The following TMEM132B variants were observed in gnomAD, a reference collection of about 807,000 sequenced individuals.
The protein encoded by TMEM132B is transmembrane protein 132B.
In TMEM132B, 18 loss-of-function variants were observed where a neutral mutation model predicts 90.8. The observed-to-expected ratio is 0.20, with a 90% confidence interval of 0.14 to 0.29. The LOEUF is 0.29. Ranked by LOEUF, TMEM132B falls within the 10% of genes least tolerant of loss-of-function variation. TMEM132B has a pLI of 1.00. For synonymous variants in TMEM132B, 504 were observed against 523.3 expected (o/e 0.96, Z 0.50); for missense variants, 1,096 against 1,326.8 (o/e 0.83, Z 2.70).
intron 1 of TMEM132B, among the ~76,000 whole-genome samples, chr12:125,216,170 G>T (rs1296445779): frequency 6.6e-6 from 1 of 152,146 alleles, no homozygotes; most frequent in Non-Finnish European, 1.5e-5. Context: ...TTACAGTTCT[G>T]GAGGCTGGAA....
rs1882388429 is a variant in TMEM132B at position 125,492,749 on chromosome 12, T to G, written c.1107-26690T>G. Among the ~76,000 whole-genome samples the G allele has an allele frequency of 6.6e-6, 1 of 152,104 alleles. No homozygotes were observed. The highest frequency in any genetic ancestry group is 1.5e-5 in the Non-Finnish European group (1 of 67,992). On this transcript the variant is annotated intron_variant, in intron 3 of 8. Transcript: ENST00000682704. This position sits in a 1 kb window ranked among gnomAD's most constrained non-coding sequence, Gnocchi z 5.8. Reference sequence around the variant, plus strand: ...CTGTCCTGTGAAGAAACCTGCATGTTGTCCACTCAGCCACTCAGCCACGCC... The same window carrying G: ...CTGTCCTGTGAAGAAACCTGCATGTGGTCCACTCAGCCACTCAGCCACGCC...
At chr12:125,616,647 T>C (rs550598365) in intron 5 of TMEM132B, among the ~76,000 whole-genome samples, 2 of 152,292 alleles carry the variant, frequency 1.3e-5, no homozygotes, top group Non-Finnish European at 2.9e-5. Flanking sequence ...CGTCTAAAAA[T>C]ATATCGAAAT....
chr12:125,486,586 T>C (rs1337834787), intron 3 of TMEM132B, among the ~76,000 whole-genome samples: 1 of 152,212 alleles, frequency 6.6e-6, no homozygotes, highest in Non-Finnish European at 1.5e-5. Context: ...TTTGAGAATT[T>C]ATATTGAAGG....
In TMEM132B at chr12:125,277,550, C is replaced by T. The variant is rs1175866402; in HGVS notation, c.68-71902C>T. ...ACACATACACACACACACGGGAAGG[C>T]CATGTGAAGATGCAGCAGAGATTGG... On this transcript the variant is annotated intron_variant, in intron 1 of 8. Coordinates refer to ENST00000682704, the MANE Select transcript of TMEM132B (RefSeq NM_001366854.1). This position sits in a 1 kb window ranked among gnomAD's most constrained non-coding sequence, Gnocchi z 4.3. Among the ~76,000 whole-genome samples, 1 of 150,150 alleles carries T rather than the reference C, an allele frequency of 6.7e-6. No individual in the cohort carries two copies. Among genetic ancestry groups the T allele is most frequent in the African/African-American group, 2.5e-5 (1 of 40,342 alleles).
chr12:125,572,325 C>T (rs770248276), intron 4 of TMEM132B, among the ~76,000 whole-genome samples: 1 of 152,206 alleles, frequency 6.6e-6, no homozygotes, highest in Non-Finnish European at 1.5e-5. Flanking sequence ...GTCATTAGGG[C>T]TCTGCCCTCA....
chr12:125,595,782 C>A (rs553628383), intron 5 of TMEM132B, among the ~76,000 whole-genome samples: 1 of 152,028 alleles, frequency 6.6e-6, no homozygotes, highest in Admixed American at 6.5e-5. Flanking sequence ...AAGAGTCCAG[C>A]AGGTTCTAGA....
chr12:125,454,392 T>TTG (rs749400783), intron 3 of TMEM132B, among the ~76,000 whole-genome samples: 3,333 of 112,040 alleles, frequency 0.03, 60 homozygotes, highest in Middle Eastern at 0.05. Flanking sequence ...GTGTGTGTGT[T>TTG]TGTGTGTGTG....
At chr12:125,330,378 C>G (rs1390881128) in intron 1 of TMEM132B, among the ~76,000 whole-genome samples, 2 of 117,908 alleles carry the variant, frequency 1.7e-5, no homozygotes, top group East Asian at 4.7e-4. Flanking sequence ...TTTTATTTAT[C>G]TATAGTTATG....
intron 5 of TMEM132B, among the ~76,000 whole-genome samples, chr12:125,600,946 A>G (rs1470053088): frequency 6.6e-6 from 1 of 152,232 alleles, no homozygotes; most frequent in Non-Finnish European, 1.5e-5. Context: ...CACCCAATAC[A>G]GGAGCACCCA....
At chr12:125,347,194 A>G (rs1242030810) in intron 1 of TMEM132B, among the ~76,000 whole-genome samples, 4 of 152,220 alleles carry the variant, frequency 2.6e-5, no homozygotes, top group African/African-American at 9.7e-5. Flanking sequence ...CATAGTCTCT[A>G]GTTCCTTGGG....
intron 3 of TMEM132B, among the ~76,000 whole-genome samples, chr12:125,479,728 G>A (rs1318750987): frequency 6.6e-6 from 1 of 152,176 alleles, no homozygotes; most frequent in Admixed American, 6.5e-5. Flanking sequence ...GGATATCCAG[G>A]ACTTGAACTC....
chr12:125,422,319 A>G (rs1395636302), intron 3 of TMEM132B, among the ~76,000 whole-genome samples: 1 of 152,242 alleles, frequency 6.6e-6, no homozygotes, highest in East Asian at 1.9e-4. Context: ...TTTAGAGTCC[A>G]TGCTTAAACT....
chr12:125,231,088 T>C (rs1565979826), intron 1 of TMEM132B, among the ~76,000 whole-genome samples: 1 of 152,146 alleles, frequency 6.6e-6, no homozygotes, highest in Non-Finnish European at 1.5e-5. Context: ...CTCCGGAGGC[T>C]CTAGGGGAGG....
Position 125,415,187 on chromosome 12 carries a change from G to A in TMEM132B, c.960-344G>A, listed in dbSNP as rs1460899185. ...CTTCTCCATCTCCAGGTGAAGAATA[G>A]GCCTTGCAGATCCATCTCTTCTGGC... On this transcript the variant is annotated intron_variant, in intron 2 of 8. Transcript: ENST00000682704. The surrounding 1 kb of genome is among the most constrained non-coding windows in gnomAD (Gnocchi z 5.3). Among the ~76,000 whole-genome samples the A allele has an allele frequency of 2.0e-5, 3 of 152,120 alleles. No individual in the cohort carries two copies. The highest frequency in any genetic ancestry group is 2.9e-5 in the Non-Finnish European group (2 of 68,026).
intron 4 of TMEM132B, among the ~76,000 whole-genome samples, chr12:125,526,323 AG>A (rs1174875395): frequency 6.6e-6 from 1 of 152,222 alleles, no homozygotes; most frequent in Non-Finnish European, 1.5e-5. Context: ...TCAGGAAGGA[AG>A]GGGCAGGGAT....
intron 1 of TMEM132B, among the ~76,000 whole-genome samples, chr12:125,250,667 G>T (rs1874297450): frequency 6.6e-6 from 1 of 151,868 alleles, no homozygotes; most frequent in Non-Finnish European, 1.5e-5. Flanking sequence ...TGCTTTCCTT[G>T]GCTCTCTCTG....
chr12:125,375,476 G>A (rs960235211), intron 2 of TMEM132B, among the ~76,000 whole-genome samples: 1 of 152,250 alleles, frequency 6.6e-6, no homozygotes, highest in African/African-American at 2.4e-5. Context: ...TAGTCATGGA[G>A]TGGAGGAACA....
At chr12:125,367,582 AT>A (rs776465905) in intron 2 of TMEM132B, among the ~76,000 whole-genome samples, 2 of 151,928 alleles carry the variant, frequency 1.3e-5, no homozygotes, top group East Asian at 1.9e-4. Flanking sequence ...TCCCAACTGC[AT>A]TTTTTTCCAG....
intron 1 of TMEM132B, among the ~76,000 whole-genome samples, chr12:125,324,714 A>G (rs888116376): frequency 6.6e-6 from 1 of 152,034 alleles, no homozygotes; most frequent in East Asian, 1.9e-4. Context: ...TCATCCTGAA[A>G]CCATCCCTGC....
Sources: gnomAD v4.1 joint callset for allele counts (sites outside exome capture counted in the v4.1 genomes callset) on GRCh38, gnomAD v4.1.1 for gene constraint, Gnocchi (gnomAD v3.1) non-coding constraint, MANE v1.5 for transcripts, NCBI Gene and HGNC (gene_info 2026-07-23, HGNC 2026-07-21) for gene names.